The following PRKCA variants were observed in gnomAD, a reference collection of about 807,000 sequenced individuals.
PRKCA encodes the protein protein kinase C alpha, also known as protein kinase C alpha type.
Under a neutral mutation model 87.0 loss-of-function variants are expected in PRKCA, and 27 were observed. The ratio of observed to expected loss-of-function variants is 0.31; its 90% CI spans 0.23 to 0.43. The LOEUF (loss-of-function observed/expected upper bound fraction) is 0.43, where lower values mean the gene tolerates loss of function less well. Ranked by LOEUF, PRKCA falls within the 20% of genes least tolerant of loss-of-function variation. The pLI is 1.00. For missense variants in PRKCA, 518 were observed against 852.3 expected, an observed-to-expected ratio of 0.61 and a Z score of 4.88; for synonymous variants, 329 against 311.1, an observed-to-expected ratio of 1.06 and a Z score of -0.61.
Position 66,686,094 on chromosome 17 carries a change from G to A in PRKCA, c.530-1017G>A, listed in dbSNP as rs572748114. ...CTGGGAAAGATGCCATGGGAAGATAGGAAGGCATTTGAGATAGGAGACTCA... is the reference window on the plus strand; with the variant it reads ...CTGGGAAAGATGCCATGGGAAGATAAGAAGGCATTTGAGATAGGAGACTCA... On this transcript the variant is annotated intron_variant, in intron 5 of 16. Transcript: ENST00000413366. 4.6e-5 allele frequency among the ~76,000 whole-genome samples: 7 copies of A among 152,312 alleles called. No individual in the cohort carries two copies. The East Asian group carries it at 1.4e-3, about 29-fold the overall frequency.
At chr17:66,360,624 C>A (rs1284722674) in intron 2 of PRKCA, among the ~76,000 whole-genome samples, 1 of 152,098 alleles carries the variant, frequency 6.6e-6, no homozygotes, top group African/African-American at 2.4e-5. Context: ...ACAAGCTCTT[C>A]GATTTCAGGT....
chr17:66,769,393 T>G (rs1477121469), intron 13 of PRKCA, among the ~76,000 whole-genome samples: 1 of 152,024 alleles, frequency 6.6e-6, no homozygotes, highest in Admixed American at 6.6e-5. Context: ...ATAGCCAGTA[T>G]GAATCAGATC....
At position 66,735,677 on chromosome 17, in the gene PRKCA, A is replaced by T. The variant is rs1397983550; in HGVS notation, c.1230+15A>T. 1.4e-5 allele frequency: 23 copies of T among 1,610,980 alleles called. No individual in the cohort carries two copies. Among genetic ancestry groups the T allele is most frequent in the Non-Finnish European group, 1.9e-5 (22 of 1,178,312 alleles). Reference sequence around the variant, plus strand: ...TCCAGACAGTGGTAAGGACCCTGGGAATCCCTGCGATGCAGTACCCAGCTC... The same window carrying T: ...TCCAGACAGTGGTAAGGACCCTGGGTATCCCTGCGATGCAGTACCCAGCTC... On this transcript the variant is annotated intron_variant, in intron 10 of 16. Coordinates refer to ENST00000413366, the MANE Select transcript of PRKCA (RefSeq NM_002737.3).
chr17:66,803,693 G>T lies in PRKCA; in HGVS notation c.1855-180G>T, dbSNP rs1475904860. On this transcript the variant is annotated intron_variant, in intron 16 of 16. Transcript: ENST00000413366. This position sits in a 1 kb window ranked among gnomAD's most constrained non-coding sequence, Gnocchi z 4.4. ...TTCAGGGTTTACAGTTGGGTAACTC[G>T]TTGTTGTCTGCTGTGCCTGGCTTTT... is the stretch of plus-strand genomic sequence containing the variant. Among the ~76,000 whole-genome samples the T allele has an allele frequency of 2.6e-5, 4 of 152,120 alleles. No individual in the cohort carries two copies. Among genetic ancestry groups the T allele is most frequent in the African/African-American group, 9.7e-5 (4 of 41,434 alleles).
intron 14 of PRKCA, among the ~76,000 whole-genome samples, chr17:66,784,083 AG>A (rs1353175532): frequency 6.6e-6 from 1 of 152,228 alleles, no homozygotes; most frequent in East Asian, 1.9e-4. Context: ...CCCTGACCAC[AG>A]GCCCTCTTGG....
chr17:66,592,542 G>A (rs1053122484), intron 3 of PRKCA, among the ~76,000 whole-genome samples: 17 of 152,184 alleles, frequency 1.1e-4, no homozygotes, highest in African/African-American at 3.9e-4. Flanking sequence ...TGCGTCCAAG[G>A]AATCACAGAC....
chr17:66,567,723 C>T (rs1243713737), intron 3 of PRKCA, among the ~76,000 whole-genome samples: 8 of 152,180 alleles, frequency 5.3e-5, no homozygotes, highest in Non-Finnish European at 8.8e-5. Context: ...AGATCCACCT[C>T]GGAGCCAGAC....
At chr17:66,625,701 C>T (rs994713434) in intron 3 of PRKCA, among the ~76,000 whole-genome samples, 1 of 152,178 alleles carries the variant, frequency 6.6e-6, no homozygotes, top group African/African-American at 2.4e-5. Flanking sequence ...CACTATTTAT[C>T]CTCATACCAG....
intron 3 of PRKCA, among the ~76,000 whole-genome samples, chr17:66,563,545 A>G (rs1397908511): frequency 1.3e-5 from 2 of 152,204 alleles, no homozygotes; most frequent in Non-Finnish European, 2.9e-5. Context: ...TCATCTGGGT[A>G]TACCATGGTT....
chr17:66,316,247 C>T (rs1408630814), intron 2 of PRKCA, among the ~76,000 whole-genome samples: 1 of 152,176 alleles, frequency 6.6e-6, no homozygotes, highest in Non-Finnish European at 1.5e-5. Context: ...ATGTAGGGAG[C>T]TACTTCATGC....
intron 3 of PRKCA, among the ~76,000 whole-genome samples, chr17:66,610,987 C>T (rs1373721780): frequency 6.9e-6 from 1 of 145,488 alleles, no homozygotes; most frequent in East Asian, 2.1e-4. Flanking sequence ...CAAGTTAAAC[C>T]CTTTGAAGAG....
At chr17:66,535,699 G>A (rs1030438823) in intron 3 of PRKCA, among the ~76,000 whole-genome samples, 6 of 152,128 alleles carry the variant, frequency 3.9e-5, no homozygotes, top group African/African-American at 1.4e-4. Context: ...ATCCTAGTGG[G>A]ATCTCCTCAC....
intron 9 of PRKCA, among the ~76,000 whole-genome samples, chr17:66,733,570 C>T (rs1390877650): frequency 3.3e-5 from 5 of 152,096 alleles, no homozygotes; most frequent in Non-Finnish European, 5.9e-5. Context: ...GGCAGGTGGA[C>T]CACTTGAGGT....
intron 5 of PRKCA, among the ~76,000 whole-genome samples, chr17:66,665,318 G>A (rs774394943): frequency 6.6e-6 from 1 of 152,140 alleles, no homozygotes; most frequent in Non-Finnish European, 1.5e-5. Context: ...CTTGAATCTA[G>A]GCAGAACATT....
chr17:66,759,858 G>C (rs572176657), intron 13 of PRKCA, among the ~76,000 whole-genome samples: 1 of 152,326 alleles, frequency 6.6e-6, no homozygotes, highest in South Asian at 2.1e-4. Context: ...TGATAAAGGG[G>C]TCAAGTCTCC....
At chr17:66,794,043 C>A (rs1296370203) in intron 16 of PRKCA, among the ~76,000 whole-genome samples, 2 of 152,090 alleles carry the variant, frequency 1.3e-5, no homozygotes, top group Admixed American at 6.5e-5. Context: ...GCCGTTGGCA[C>A]CAAGGAGCAG....
At chr17:66,672,038 A>C (rs1306475820) in intron 5 of PRKCA, among the ~76,000 whole-genome samples, 3 of 152,264 alleles carry the variant, frequency 2.0e-5, no homozygotes, top group Admixed American at 1.3e-4. Flanking sequence ...TAAGAAAGAA[A>C]CAAAATAATT....
At chr17:66,550,777 C>T (rs184053902) in intron 3 of PRKCA, among the ~76,000 whole-genome samples, 1 of 152,312 alleles carries the variant, frequency 6.6e-6, no homozygotes, top group Admixed American at 6.5e-5. Context: ...TTCACTGCCT[C>T]CTCCATGGTG....
chr17:66,785,539 G>C (rs1285778869), intron 14 of PRKCA, among the ~76,000 whole-genome samples: 1 of 152,154 alleles, frequency 6.6e-6, no homozygotes, highest in Non-Finnish European at 1.5e-5. Context: ...GCAGCCAAAG[G>C]GGGAGCATTA....
Sources: allele counts gnomAD v4.1 joint callset (sites outside exome capture counted in the v4.1 genomes callset), GRCh38; gene constraint gnomAD v4.1.1; non-coding constraint Gnocchi (gnomAD v3.1); transcripts MANE v1.5; gene names NCBI Gene and HGNC (gene_info 2026-07-23, HGNC 2026-07-21).